Variants in TCERG1L observed in about 807,000 individuals in gnomAD.
TCERG1L encodes the protein transcription elongation regulator 1 like, also known as transcription elongation regulator 1-like protein.
In TCERG1L, 37 loss-of-function variants were observed where a neutral mutation model predicts 56.3. The observed-to-expected ratio is 0.66, with a 90% CI of 0.51 to 0.87. The LOEUF (loss-of-function observed/expected upper bound fraction) is 0.87. Ranked by LOEUF, TCERG1L falls within the 40% of genes least tolerant of loss-of-function variation. The pLI, the probability that TCERG1L is intolerant of heterozygous loss-of-function variation, is 0.00. For missense variants in TCERG1L, 799 were observed against 774.2 expected (o/e 1.03, Z -0.38); for synonymous variants, 324 against 326.3 (o/e 0.99, Z 0.08).
At chr10:131,152,855 T>C (rs1179458943) in intron 6 of TCERG1L, among the ~76,000 whole-genome samples, 3 of 152,152 alleles carry the variant, frequency 2.0e-5, no homozygotes, top group African/African-American at 7.2e-5. Flanking sequence ...GAAGAGAGAA[T>C]GAGTGCCAGC....
chr10:131,254,489 G>C (rs1846148263), intron 4 of TCERG1L, among the ~76,000 whole-genome samples: 1 of 152,082 alleles, frequency 6.6e-6, no homozygotes, highest in African/African-American at 2.4e-5. Context: ...GGCTCCTTGG[G>C]GGCTGTAAGC....
intron 4 of TCERG1L, among the ~76,000 whole-genome samples, chr10:131,205,362 T>C (rs1483023366): frequency 1.2e-5 from 1 of 82,842 alleles, no homozygotes; most frequent in Non-Finnish European, 2.5e-5. Context: ...TTTCTCCTAA[T>C]GTAAAAAAAA....
intron 4 of TCERG1L, among the ~76,000 whole-genome samples, chr10:131,232,311 A>C (rs1274480451): frequency 6.6e-6 from 1 of 152,228 alleles, no homozygotes; most frequent in East Asian, 1.9e-4. Flanking sequence ...CTGAGCTGGG[A>C]GGAGCCCAGC....
At chr10:131,274,546 C>G (rs78295234) in intron 3 of TCERG1L, among the ~76,000 whole-genome samples, 3,081 of 152,326 alleles carry the variant, frequency 0.02, 78 homozygotes, top group East Asian at 0.077. Context: ...GGTCTGTGCA[C>G]CAAGACTGCT....
intron 6 of TCERG1L, among the ~76,000 whole-genome samples, chr10:131,157,610 G>A (rs920920535): frequency 2.0e-5 from 3 of 151,576 alleles, no homozygotes. Context: ...AGACGATACA[G>A]AAATTCCGAA....
intron 3 of TCERG1L, among the ~76,000 whole-genome samples, chr10:131,286,124 G>A (rs1409496224): frequency 6.6e-6 from 1 of 152,164 alleles, no homozygotes; most frequent in Admixed American, 6.5e-5. Context: ...ACACGTCCGT[G>A]GCTCTTGCAC....
chr10:131,172,345 CAG>C (rs1846101251), intron 4 of TCERG1L, among the ~76,000 whole-genome samples: 1 of 152,114 alleles, frequency 6.6e-6, no homozygotes, highest in African/African-American at 2.4e-5. Context: ...CCCCAAGGAA[CAG>C]GGAGAGAGAA....
rs74955938 is a variant in TCERG1L, at chr10:131,232,672, C to G, written c.856+27587G>C. On this transcript the variant is annotated intron_variant, in intron 4 of 11. Coordinates refer to ENST00000368642, the MANE Select transcript of TCERG1L (RefSeq NM_174937.4). Reference sequence around the variant, plus strand: ...AGTTTTCACGTTCCAACAGTGCGGACAGCTCAAGTAGTATTTGGGATTGAG... The same window carrying G: ...AGTTTTCACGTTCCAACAGTGCGGAGAGCTCAAGTAGTATTTGGGATTGAG... 2.5e-3 allele frequency among the ~76,000 whole-genome samples: 377 copies of G among 152,300 alleles called. 1 individual carries two copies. The highest frequency in any genetic ancestry group is 8.8e-3 in the African/African-American group (364 of 41,552).
chr10:131,276,490 C>G (rs975961055), intron 3 of TCERG1L, among the ~76,000 whole-genome samples: 1 of 152,184 alleles, frequency 6.6e-6, no homozygotes, highest in Non-Finnish European at 1.5e-5. Flanking sequence ...TCAACACACA[C>G]GCAATTTACA....
intron 11 of TCERG1L, among the ~76,000 whole-genome samples, chr10:131,097,200 CAAAAAA>C (rs1161006867): frequency 3.3e-5 from 3 of 91,038 alleles, no homozygotes; most frequent in South Asian, 3.8e-4. Flanking sequence ...GGGTCTGTCT[CAAAAAA>C]AAAAAAAAAA....
chr10:131,213,306 C>T (rs1845635560), intron 4 of TCERG1L, among the ~76,000 whole-genome samples: 1 of 152,216 alleles, frequency 6.6e-6, no homozygotes, highest in Admixed American at 6.5e-5. Context: ...CAGGCTCACC[C>T]GTGAACGTGG....
intron 3 of TCERG1L, among the ~76,000 whole-genome samples, chr10:131,283,350 C>T (rs141483126): frequency 0.016 from 2,414 of 152,290 alleles, 49 homozygotes; most frequent in Middle Eastern, 0.02. Flanking sequence ...GCTTTGCCTT[C>T]ACGGGGGACT....
chr10:131,206,139 A>T (rs983972363), intron 4 of TCERG1L, among the ~76,000 whole-genome samples: 1 of 152,246 alleles, frequency 6.6e-6, no homozygotes, highest in African/African-American at 2.4e-5. Context: ...TAAGAAGTAC[A>T]GGCGGATTTG....
At chr10:131,190,281 T>C (rs1442705270) in intron 4 of TCERG1L, among the ~76,000 whole-genome samples, 2 of 151,840 alleles carry the variant, frequency 1.3e-5, no homozygotes, top group Non-Finnish European at 2.9e-5. Flanking sequence ...AATCAGTAAT[T>C]TTAAAATTGC....
intron 3 of TCERG1L, among the ~76,000 whole-genome samples, chr10:131,290,645 A>C (rs1456105567): frequency 9.9e-5 from 15 of 152,140 alleles, no homozygotes; most frequent in Admixed American, 6.5e-4. Context: ...AAAAAAAAAA[A>C]AAAAAAACCT....
intron 6 of TCERG1L, among the ~76,000 whole-genome samples, chr10:131,154,181 T>C (rs1845895052): frequency 1.3e-5 from 2 of 152,168 alleles, no homozygotes; most frequent in Admixed American, 6.5e-5. Context: ...AGTTAGTGTA[T>C]CAGCATTATT....
intron 7 of TCERG1L, among the ~76,000 whole-genome samples, chr10:131,146,007 T>C (rs1845790728): frequency 6.6e-6 from 1 of 152,166 alleles, no homozygotes. Flanking sequence ...AAGCACCCCA[T>C]TCCTCTGCAG....
rs373137617 is a variant in TCERG1L at position 131,221,353 on chromosome 10, A to G, written c.856+38906T>C. 3.7e-4 allele frequency among the ~76,000 whole-genome samples: 56 copies of G among 152,276 alleles called. No homozygotes were observed. The South Asian group carries it at 0.01, about 28-fold the overall frequency. ...GGCAGCACCATCAAATTTCCTTCTC[A>G]ATGTTTTCTACAGAAATCTCCAAAA... On this transcript the variant is annotated intron_variant, in intron 4 of 11. Transcript: ENST00000368642.
chr10:131,218,303 T>C (rs1320104256), intron 4 of TCERG1L, among the ~76,000 whole-genome samples: 1 of 152,170 alleles, frequency 6.6e-6, no homozygotes, highest in African/African-American at 2.4e-5. Context: ...AATGCTGTTT[T>C]TAAAACACAG....
Sources: allele counts gnomAD v4.1 joint callset (sites outside exome capture counted in the v4.1 genomes callset), GRCh38; gene constraint gnomAD v4.1.1; transcripts MANE v1.5; gene names NCBI Gene and HGNC (gene_info 2026-07-23, HGNC 2026-07-21).